Variants in ZHX2 observed in about 807,000 individuals in gnomAD.
ZHX2 encodes zinc fingers and homeoboxes protein 2.
ZHX2 carries 6 observed loss-of-function variants against 21.9 expected under a neutral mutation model. The observed-to-expected ratio is 0.27, with a 90% CI of 0.15 to 0.54. The LOEUF is 0.54. ZHX2 is among the 20% of genes least tolerant of loss of function. ZHX2 has a pLI of 0.95. For missense variants in ZHX2, 908 were observed against 1,090.7 expected, an observed-to-expected ratio of 0.83 and a Z score of 2.36; for synonymous variants, 434 against 437.1, an observed-to-expected ratio of 0.99 and a Z score of 0.09.
chr8:122,879,970 A>AC (rs916757405), intron 2 of ZHX2, among the ~76,000 whole-genome samples: 1 of 112,564 alleles, frequency 8.9e-6, no homozygotes, highest in East Asian at 3.0e-4. Context: ...TTCTATTGTT[A>AC]CCTTTTTTTT....
Position 122,951,456 on chromosome 8 carries a change from A to G in ZHX2, c.-55A>G. On this transcript the variant is annotated 5_prime_UTR_variant, in exon 3 of 4. Transcript: ENST00000314393. Reference sequence around the variant, plus strand: ...TCACCTTATTCGTTCCAAGAATCTCACCGCCCCCTCCTTATCCCCCTCCAA... The same window carrying G: ...TCACCTTATTCGTTCCAAGAATCTCGCCGCCCCCTCCTTATCCCCCTCCAA... 1 of 1,476,670 alleles carries G rather than the reference A, an allele frequency of 6.8e-7. No homozygotes were observed. The highest frequency in any genetic ancestry group is 9.2e-7 in the Non-Finnish European group (1 of 1,085,854). The allele number at this position is 1,476,670 out of a possible 1,614,324, so 91.5% of individuals were successfully genotyped here.
chr8:122,956,350 G>A (rs1420909221), intron 3 of ZHX2, among the ~76,000 whole-genome samples: 2 of 152,136 alleles, frequency 1.3e-5, no homozygotes, highest in Non-Finnish European at 2.9e-5. Context: ...TGTGGAGCTC[G>A]GGCAGGCCAA....
At chr8:122,832,080 T>A (rs1818389530) in intron 1 of ZHX2, among the ~76,000 whole-genome samples, 1 of 152,038 alleles carries the variant, frequency 6.6e-6, no homozygotes, top group Admixed American at 6.5e-5. Context: ...TTGGAAAAGG[T>A]ATAAGGAAGG....
chr8:122,814,095 A>T (rs1817982614), intron 1 of ZHX2, among the ~76,000 whole-genome samples: 1 of 151,864 alleles, frequency 6.6e-6, no homozygotes, highest in African/African-American at 2.4e-5. Context: ...TCGCACTACT[A>T]ATCTACACTG....
chr8:122,814,488 C>T (rs1461522084), intron 1 of ZHX2, among the ~76,000 whole-genome samples: 2 of 152,332 alleles, frequency 1.3e-5, no homozygotes, highest in East Asian at 1.9e-4. Flanking sequence ...CACATTGGCT[C>T]AGGCCACCAA....
chr8:122,820,084 G>T (rs967013216), intron 1 of ZHX2, among the ~76,000 whole-genome samples: 14 of 152,212 alleles, frequency 9.2e-5, no homozygotes, highest in Admixed American at 2.0e-4. Context: ...GCAAAAAGAA[G>T]GGGTGATCTA....
At position 122,952,535 on chromosome 8, in the gene ZHX2, C is replaced by A; in HGVS notation, c.1025C>A (p.Pro342His). The A allele has an allele frequency of 6.2e-7, 1 of 1,614,146 alleles. No homozygotes were observed. The highest frequency in any genetic ancestry group is 8.5e-7 in the Non-Finnish European group (1 of 1,180,014). ...KMFNGTIQSV[P>H]PTITVLPAQL... ...TTCAACGGCACCATCCAGTCAGTAC[C>A]CCCGACCATCACTGTGCTGCCCGCC... Residue 342 changes from proline (P) to histidine (H), a missense_variant, in exon 3 of 4, where the codon CCC becomes CAC. By Grantham distance (77) the Pro-to-His change is moderately conservative. This residue lies in a region of ZHX2 where 232 missense variants were observed against 361.8 expected (regional missense o/e 0.64). Transcript: ENST00000314393. This position sits in a 1 kb window ranked among gnomAD's most constrained non-coding sequence, Gnocchi z 6.9.
chr8:122,967,234 A>G (rs1181413850), intron 3 of ZHX2, among the ~76,000 whole-genome samples: 2 of 152,196 alleles, frequency 1.3e-5, no homozygotes, highest in African/African-American at 4.8e-5. Context: ...GTTTTATCAT[A>G]TTACCAGAAT....
intron 3 of ZHX2, among the ~76,000 whole-genome samples, chr8:122,958,782 G>A (rs1342618813): frequency 2.0e-5 from 3 of 152,212 alleles, no homozygotes; most frequent in Admixed American, 6.5e-5. Context: ...TCTTGATTTT[G>A]TGTGGGAGTG....
intron 1 of ZHX2, among the ~76,000 whole-genome samples, chr8:122,836,621 G>A (rs1818504269): frequency 6.6e-6 from 1 of 152,218 alleles, no homozygotes; most frequent in African/African-American, 2.4e-5. Flanking sequence ...AGATTTTATA[G>A]TCTCCTGTAA....
intron 1 of ZHX2, among the ~76,000 whole-genome samples, chr8:122,838,861 CA>C (rs1157081833): frequency 6.6e-6 from 1 of 152,052 alleles, no homozygotes; most frequent in Non-Finnish European, 1.5e-5. Flanking sequence ...AAGCGTGAGC[CA>C]CCATGCCTGG....
At chr8:122,941,350 G>A (rs573690921) in intron 2 of ZHX2, among the ~76,000 whole-genome samples, 1 of 152,284 alleles carries the variant, frequency 6.6e-6, no homozygotes, top group Non-Finnish European at 1.5e-5. Context: ...AAATGTGTCC[G>A]TTTGAGCAAC....
At chr8:122,939,477 G>A (rs1320915408) in intron 2 of ZHX2, among the ~76,000 whole-genome samples, 2 of 152,184 alleles carry the variant, frequency 1.3e-5, no homozygotes, top group Admixed American at 1.3e-4. Context: ...TGAGGTGTTT[G>A]TAACCCAAAG....
chr8:122,939,419 A>G (rs1205498535), intron 2 of ZHX2, among the ~76,000 whole-genome samples: 2 of 152,132 alleles, frequency 1.3e-5, no homozygotes, highest in Admixed American at 6.5e-5. Flanking sequence ...CTTGCTTTTC[A>G]TGTTTGCTTT....
chr8:122,933,458 C>T (rs1812593007), intron 2 of ZHX2, among the ~76,000 whole-genome samples: 1 of 151,902 alleles, frequency 6.6e-6, no homozygotes, highest in Admixed American at 6.6e-5. Context: ...CTTTCAGAAA[C>T]ACATCACTCT....
chr8:122,857,702 C>T (rs1352249494), intron 1 of ZHX2, among the ~76,000 whole-genome samples: 1 of 152,180 alleles, frequency 6.6e-6, no homozygotes, highest in African/African-American at 2.4e-5. Context: ...AATGATGATT[C>T]AGTCAGGCCT....
At chr8:122,810,823 G>A (rs192505726) in intron 1 of ZHX2, among the ~76,000 whole-genome samples, 1 of 152,048 alleles carries the variant, frequency 6.6e-6, no homozygotes, top group African/African-American at 2.4e-5. Flanking sequence ...TTAAGTTTTA[G>A]GGTACGTGTG....
chr8:122,791,007 C>T (rs1200455381), intron 1 of ZHX2, among the ~76,000 whole-genome samples: 1 of 152,238 alleles, frequency 6.6e-6, no homozygotes, highest in Non-Finnish European at 1.5e-5. Flanking sequence ...GCTTGTGCCA[C>T]ACTGATGTTC....
At chr8:122,857,734 A>G (rs1179151674) in intron 1 of ZHX2, among the ~76,000 whole-genome samples, 13 of 152,284 alleles carry the variant, frequency 8.5e-5, no homozygotes, top group Admixed American at 1.3e-4. Flanking sequence ...TCCATGTTGA[A>G]CTTTCTACTC....
Sources: gnomAD v4.1 joint callset for allele counts (sites outside exome capture counted in the v4.1 genomes callset) on GRCh38, gnomAD v4.1.1 for gene constraint, gnomAD v4.1.1 regional missense constraint, Gnocchi (gnomAD v3.1) non-coding constraint, MANE v1.5 for transcripts, NCBI Gene and HGNC (gene_info 2026-07-23, HGNC 2026-07-21) for gene names.